Variants in TENM4 observed in about 807,000 individuals in gnomAD.
The protein encoded by TENM4 is teneurin-4.
Under a neutral mutation model 243.3 loss-of-function variants are expected in TENM4, and 82 were observed. The ratio of observed to expected loss-of-function variants is 0.34; its 90% confidence interval spans 0.28 to 0.40. The LOEUF is 0.40. Among genes scored for constraint, TENM4 ranks in the 10% least tolerant of loss-of-function variants. The pLI is 1.00. For synonymous variants in TENM4, 1,412 were observed against 1,456.3 expected, an observed-to-expected ratio of 0.97 and a Z score of 0.69; for missense variants, 3,138 against 3,673.3, an observed-to-expected ratio of 0.85 and a Z score of 3.77.
chr11:78,932,241 A>G (rs1856685286), intron 6 of TENM4, among the ~76,000 whole-genome samples: 1 of 152,170 alleles, frequency 6.6e-6, no homozygotes, highest in African/African-American at 2.4e-5. Context: ...AACAAGTCAG[A>G]AAAACAACAA....
intron 19 of TENM4, among the ~76,000 whole-genome samples, chr11:78,742,208 C>A (rs955153703): frequency 6.6e-6 from 1 of 152,078 alleles, no homozygotes; most frequent in Non-Finnish European, 1.5e-5. Flanking sequence ...AGGATAAGCA[C>A]GGGATGCTGC....
At chr11:79,119,609 T>G (rs1861697993) in intron 4 of TENM4, among the ~76,000 whole-genome samples, 1 of 152,292 alleles carries the variant, frequency 6.6e-6, no homozygotes, top group Middle Eastern at 3.4e-3. Context: ...TAACGCTCAT[T>G]AAGCAGTTCA....
chr11:79,373,294 ATGGCTGGCTGGCTGGC>A (rs200276676), intron 1 of TENM4, among the ~76,000 whole-genome samples: 37 of 149,744 alleles, frequency 2.5e-4, no homozygotes, highest in African/African-American at 8.4e-4. Flanking sequence ...GGGTGGATAG[ATGGCTGGCTGGCTGGC>A]TGGCTGGCTG....
chr11:78,670,961 C>T (rs1400173486), intron 31 of TENM4, among the ~76,000 whole-genome samples: 1 of 152,238 alleles, frequency 6.6e-6, no homozygotes, highest in Non-Finnish European at 1.5e-5. Context: ...GAAGTATGTA[C>T]AGCAGTCTGG....
chr11:78,741,680 C>A (rs544512083), intron 19 of TENM4, among the ~76,000 whole-genome samples: 3 of 152,124 alleles, frequency 2.0e-5, no homozygotes, highest in African/African-American at 4.8e-5. Flanking sequence ...TCAGTTCTTG[C>A]GAACTGGTTC....
intron 6 of TENM4, among the ~76,000 whole-genome samples, chr11:79,047,714 G>A (rs1554997141): frequency 6.6e-6 from 1 of 152,164 alleles, no homozygotes; most frequent in East Asian, 1.9e-4. Flanking sequence ...GGAGTCAGGC[G>A]GGTATCTGTG....
In TENM4 at chr11:78,852,375, C is replaced by T. The variant is rs572116315; in HGVS notation, c.1681+1729G>A. 2.0e-5 allele frequency among the ~76,000 whole-genome samples: 3 copies of T among 152,314 alleles called. No homozygotes were observed. In the East Asian group the frequency reaches 5.8e-4, roughly 29 times the overall value. Reference sequence around the variant, plus strand: ...TAAGCAGGAAATGGACTGAAAATGACTCCTGTTGTTTAGAAGTAAGAACCA... The same window carrying T: ...TAAGCAGGAAATGGACTGAAAATGATTCCTGTTGTTTAGAAGTAAGAACCA... On this transcript the variant is annotated intron_variant, in intron 12 of 33. Transcript: ENST00000278550.
rs67697266 is a variant in TENM4 at position 79,423,535 on chromosome 11, ATTTTTTTTTTTT to A, written c.-321+16962_-321+16973del. Among the ~76,000 whole-genome samples, 11 of 114,130 alleles carry A rather than the reference ATTTTTTTTTTTT, an allele frequency of 9.6e-5. No homozygotes were observed. In the East Asian group the frequency reaches 1.9e-3, roughly 20 times the overall value. The allele number at this position is 114,130 out of a possible 152,430, so 74.9% of individuals were successfully genotyped here. A position where few individuals can be genotyped will look rare whatever the true frequency, so the allele number is the denominator to read the frequency against. On this transcript the variant is annotated intron_variant, in intron 1 of 33. Transcript: ENST00000278550. The stretch of plus-strand genomic sequence containing the variant: ...GCCAGCTCTGAATGCTTACAAGTGC[ATTTTTTTTTTTT>A]TTTTTTTTTTTGCAAGGAAACTGCA...
intron 4 of TENM4, among the ~76,000 whole-genome samples, chr11:79,075,718 C>A (rs187115923): frequency 2.8e-3 from 430 of 152,344 alleles, no homozygotes; most frequent in South Asian, 6.4e-3. Flanking sequence ...CAGGTGAGCA[C>A]ATTGCCACTG....
At position 78,676,364 on chromosome 11, in the gene TENM4, T is replaced by C. The variant is rs1159218874; in HGVS notation, c.5284A>G (p.Ile1762Val). 2 of 1,602,974 alleles carry C rather than the reference T, an allele frequency of 1.2e-6. No homozygotes were observed. The highest frequency in any genetic ancestry group is 1.1e-5 in the South Asian group (1 of 90,638). ...AGCCGCAAGGAGCCATCGGCCCCGA[T>C]GTAGTAGCTGTTCCGGACTTGGTCT... ...LQDQVRNSYYIGADGSLRLLL... is the reference protein window; with the variant it reads ...LQDQVRNSYYVGADGSLRLLL... Residue 1762 changes from isoleucine to valine, a missense_variant, in exon 30 of 34, where the codon ATC (isoleucine) becomes GTC (valine). This residue lies in a region of TENM4 where 2,467 missense variants were observed against 3,059.1 expected (regional missense o/e 0.81). Coordinates refer to ENST00000278550, the MANE Select transcript of TENM4 (RefSeq NM_001098816.3).
chr11:79,416,342 T>C (rs549692862), intron 1 of TENM4, among the ~76,000 whole-genome samples: 1 of 152,342 alleles, frequency 6.6e-6, no homozygotes, highest in South Asian at 2.1e-4. Context: ...AGTAGTCTCC[T>C]TTTACATTTC....
intron 6 of TENM4, among the ~76,000 whole-genome samples, chr11:78,965,039 T>C (rs1394223779): frequency 6.6e-6 from 1 of 152,096 alleles, no homozygotes; most frequent in Non-Finnish European, 1.5e-5. Flanking sequence ...GGCTAATTTT[T>C]GTATTTTTAG....
At chr11:79,434,698 A>G (rs913134588) in intron 1 of TENM4, among the ~76,000 whole-genome samples, 8 of 152,212 alleles carry the variant, frequency 5.3e-5, no homozygotes, top group Non-Finnish European at 7.3e-5. Context: ...CTGGGCTTCC[A>G]AGCCTGTAAG....
intron 7 of TENM4, among the ~76,000 whole-genome samples, chr11:78,892,265 G>T (rs1446896864): frequency 6.6e-6 from 1 of 152,194 alleles, no homozygotes; most frequent in Non-Finnish European, 1.5e-5. Flanking sequence ...CCTGTCTCCT[G>T]ATCTTTTCAG....
intron 1 of TENM4, among the ~76,000 whole-genome samples, chr11:79,436,103 G>T (rs551625315): frequency 6.6e-6 from 1 of 152,312 alleles, no homozygotes; most frequent in South Asian, 2.1e-4. Flanking sequence ...TCCTGGAAGG[G>T]GATAAGGAGG....
chr11:79,431,302 C>T lies in TENM4; in HGVS notation c.-321+9207G>A, dbSNP rs191517609. On this transcript the variant is annotated intron_variant, in intron 1 of 33. Transcript: ENST00000278550. The stretch of plus-strand genomic sequence containing the variant: ...CACAAAACACATTTTCAAAACAATA[C>T]GTAATCTTTGAATAATATTCCGCTG... Among the ~76,000 whole-genome samples, 9 of 152,278 alleles carry T rather than the reference C, an allele frequency of 5.9e-5. No homozygotes were observed. The East Asian group carries it at 1.2e-3, about 20-fold the overall frequency.
chr11:79,369,382 A>G (rs1275472933), intron 1 of TENM4, among the ~76,000 whole-genome samples: 1 of 152,186 alleles, frequency 6.6e-6, no homozygotes, highest in African/African-American at 2.4e-5. Flanking sequence ...GGCGCATTAC[A>G]TTTCAGCATG....
intron 1 of TENM4, among the ~76,000 whole-genome samples, chr11:79,303,105 CT>C (rs1308190342): frequency 4.1e-4 from 62 of 152,328 alleles, no homozygotes; most frequent in African/African-American, 1.3e-3. Flanking sequence ...AGTAAATGGT[CT>C]TGGCCTTGCC....
chr11:79,281,919 G>A (rs952728642), intron 2 of TENM4, among the ~76,000 whole-genome samples: 1 of 152,206 alleles, frequency 6.6e-6, no homozygotes, highest in African/African-American at 2.4e-5. Context: ...GTCTCTGAAT[G>A]TGCAGTTAGA....
Sources: gnomAD v4.1 joint callset for allele counts (sites outside exome capture counted in the v4.1 genomes callset) on GRCh38, gnomAD v4.1.1 for gene constraint, gnomAD v4.1.1 regional missense constraint, MANE v1.5 for transcripts, NCBI Gene and HGNC (gene_info 2026-07-23, HGNC 2026-07-21) for gene names.